The following ENO4 variants were observed in gnomAD, a reference collection of about 807,000 sequenced individuals.
The protein encoded by ENO4 is 2-phospho-D-glycerate hydro-lyase.
ENO4 carries 53 observed loss-of-function variants against 63.2 expected under a neutral mutation model. That is an observed-to-expected ratio of 0.84 (90% CI 0.67 to 1.05). The LOEUF (loss-of-function observed/expected upper bound fraction) is 1.05. Ranked by LOEUF, ENO4 falls within the 50% of genes least tolerant of loss-of-function variation. The pLI, the probability that ENO4 is intolerant of heterozygous loss-of-function variation, is 0.00. For synonymous variants in ENO4, 266 were observed against 283.8 expected, an observed-to-expected ratio of 0.94 and a Z score of 0.63; for missense variants, 719 against 772.0, an observed-to-expected ratio of 0.93 and a Z score of 0.81.
exon 11 of ENO4, chr10:116,911,539 A>G (rs1848195889): frequency 3.9e-6 from 6 of 1,550,518 alleles, no homozygotes; most frequent in Non-Finnish European, 5.2e-6. Context: ...TTGGAGGGCA[A>G]GAACAGGAAA....
chr10:116,872,297 T>C lies in ENO4; in HGVS notation c.1215+1005T>C, dbSNP rs551935555. On this transcript the variant is annotated intron_variant, in intron 9 of 13. Coordinates refer to ENST00000341276, the MANE Select transcript of ENO4 (RefSeq NM_001242699.2). ...GAAACTGGTATGTTAGGAAAGTTAT[T>C]AGTTTTCTGTCTTACACATGTACTT... is the stretch of plus-strand genomic sequence containing the variant. Among the ~76,000 whole-genome samples the C allele has an allele frequency of 4.6e-5, 7 of 152,300 alleles. No individual in the cohort carries two copies. The South Asian group carries it at 1.5e-3, about 32-fold the overall frequency.
At chr10:116,896,758 A>G (rs1421231634) in intron 10 of ENO4, among the ~76,000 whole-genome samples, 1 of 151,338 alleles carries the variant, frequency 6.6e-6, no homozygotes, top group East Asian at 1.9e-4. Flanking sequence ...CGAAATAAAC[A>G]GGTGGGAAAG....
chr10:116,907,870 A>G (rs1340224215), intron 10 of ENO4: 1 of 517,548 alleles, frequency 1.9e-6, no homozygotes, highest in Admixed American at 1.9e-5. Context: ...TAATGTTTGA[A>G]CTCACTAAGG....
At chr10:116,850,083 A>C (rs536045850) in intron 1 of ENO4, 2 of 430,386 alleles carry the variant, frequency 4.6e-6, no homozygotes, top group Non-Finnish European at 8.6e-6. Context: ...GTCATTTTTA[A>C]CACATACCTT....
At chr10:116,888,171 C>A (rs879750636) in intron 10 of ENO4, among the ~76,000 whole-genome samples, 2 of 152,154 alleles carry the variant, frequency 1.3e-5, no homozygotes, top group African/African-American at 2.4e-5. Context: ...GTAGTGAGGA[C>A]AGATTCCTTT....
chr10:116,907,249 C>T (rs1207179802), intron 10 of ENO4, among the ~76,000 whole-genome samples: 1 of 152,136 alleles, frequency 6.6e-6, no homozygotes, highest in Non-Finnish European at 1.5e-5. Context: ...TCAAAGGAGG[C>T]ACATAATGCT....
At position 116,906,870 on chromosome 10, in the gene ENO4, T is replaced by G. The variant is rs538588128; in HGVS notation, c.1195-4629T>G. On this transcript the variant is annotated intron_variant, in intron 10 of 10. Transcript: ENST00000369207. ...AATGGAATTATGAAACAAAATGAAT[T>G]TGCTATATATTAATATTTTTTAAAT... The G allele has an allele frequency of 1.2e-5, 9 of 754,030 alleles. No individual in the cohort carries two copies. The African/African-American group carries it at 1.6e-4, about 14-fold the overall frequency. The allele number at this position is 754,030 out of a possible 1,614,324, so 46.7% of individuals were successfully genotyped here.
intron 10 of ENO4, among the ~76,000 whole-genome samples, chr10:116,908,264 G>A (rs1223175532): frequency 6.6e-6 from 1 of 152,096 alleles, no homozygotes; most frequent in Non-Finnish European, 1.5e-5. Flanking sequence ...TTCCTTAGAA[G>A]TATCTCTTTT....
intron 10 of ENO4, among the ~76,000 whole-genome samples, chr10:116,897,675 C>T (rs1295251619): frequency 6.6e-6 from 1 of 152,130 alleles, no homozygotes; most frequent in Non-Finnish European, 1.5e-5. Flanking sequence ...CATGACAGTC[C>T]TACAGGGCAG....
In ENO4 at chr10:116,878,818, A is replaced by C. The variant is rs558441491; in HGVS notation, c.1538-473A>C. On this transcript the variant is annotated intron_variant, in intron 11 of 13. Coordinates refer to ENST00000341276, the MANE Select transcript of ENO4 (RefSeq NM_001242699.2). ...GAGTGCAGTGGCGCGATCTCAGCTC[A>C]CTGCAAGCTCTGCCTCCCGGGTTCA... Among the ~76,000 whole-genome samples, 8 of 139,554 alleles carry C rather than the reference A, an allele frequency of 5.7e-5. No homozygotes were observed. The South Asian group carries it at 1.3e-3, about 23-fold the overall frequency. The allele number at this position is 139,554 out of a possible 152,430, so 91.6% of individuals were successfully genotyped here.
downstream of ENO4, chr10:116,886,511 C>G: frequency 6.2e-7 from 1 of 1,614,072 alleles, no homozygotes; most frequent in Non-Finnish European, 8.5e-7. Context: ...ACAACTGGTT[C>G]GGCTTGTTTT....
chr10:116,888,891 GATTCTAGGAAAT>G (rs367685232), intron 10 of ENO4, among the ~76,000 whole-genome samples: 4 of 152,352 alleles, frequency 2.6e-5, no homozygotes, highest in African/African-American at 9.6e-5. Flanking sequence ...CAGGTGAGGA[GATTCTAGGAAAT>G]AAAGCTGCAG....
intron 1 of ENO4, among the ~76,000 whole-genome samples, chr10:116,852,513 C>G (rs950275939): frequency 1.3e-5 from 2 of 152,228 alleles, no homozygotes; most frequent in African/African-American, 4.8e-5. Flanking sequence ...ACTACACTTC[C>G]AGTGTGAACA....
chr10:116,900,589 T>C, intron 10 of ENO4: 2 of 1,531,960 alleles, frequency 1.3e-6, no homozygotes, highest in South Asian at 2.4e-5. Context: ...CACTGAAGCA[T>C]TTATCAGAAA....
intron 10 of ENO4, among the ~76,000 whole-genome samples, chr10:116,902,486 C>G (rs1238224577): frequency 2.0e-5 from 3 of 152,134 alleles, no homozygotes; most frequent in Non-Finnish European, 4.4e-5. Context: ...AAAACACAGA[C>G]ACAAAATCAT....
In ENO4 at chr10:116,849,701, C is replaced by T. The variant is rs1314849523; in HGVS notation, c.135C>T (p.Tyr45=). 1 of 1,540,278 alleles carries T rather than the reference C, an allele frequency of 6.5e-7. No homozygotes were observed. Among genetic ancestry groups the T allele is most frequent in the Admixed American group, 2.0e-5 (1 of 49,928 alleles). Residue 45 remains tyrosine, a synonymous_variant, in exon 1 of 14, where the codon TAC becomes TAT. Coordinates refer to ENST00000341276, the MANE Select transcript of ENO4 (RefSeq NM_001242699.2). The part of the protein sequence containing the change: ...RLEELLNSTF[Y]LQPADVYGHL... ...AAGAGCTGCTCAACTCCACCTTCTA[C>T]CTCCAGCCTGCCGACGTCTACGGGC... is the stretch of plus-strand genomic sequence containing the variant.
downstream of ENO4, chr10:116,885,517 C>T (rs1847140022): frequency 6.6e-6 from 1 of 152,534 alleles, no homozygotes; most frequent in Non-Finnish European, 1.5e-5. Context: ...GTGTGCTTGT[C>T]ACTTATCTTC....
intron 10 of ENO4, chr10:116,911,373 G>A (rs1190880514): frequency 4.7e-6 from 6 of 1,278,702 alleles, no homozygotes; most frequent in Middle Eastern, 3.8e-4. Context: ...ACCCTGATAT[G>A]AAGCTATTTG....
At chr10:116,889,774 C>T (rs1002022953) in intron 10 of ENO4, among the ~76,000 whole-genome samples, 9 of 152,178 alleles carry the variant, frequency 5.9e-5, no homozygotes, top group Admixed American at 3.9e-4. Context: ...TCATTCTTTC[C>T]GAATCCGTTT....
Sources: gnomAD v4.1 joint callset for allele counts (sites outside exome capture counted in the v4.1 genomes callset) on GRCh38, gnomAD v4.1.1 for gene constraint, MANE v1.5 for transcripts, NCBI Gene and HGNC (gene_info 2026-07-23, HGNC 2026-07-21) for gene names.